The following ADAMTS19 variants were observed in gnomAD, a reference collection of about 807,000 sequenced individuals.
ADAMTS19 encodes the protein ADAM metallopeptidase with thrombospondin type 1 motif 19, also known as A disintegrin and metalloproteinase with thrombospondin motifs 19.
In ADAMTS19, 93 loss-of-function variants were observed where a neutral mutation model predicts 153.3. That is an observed-to-expected ratio of 0.61 (90% CI 0.51 to 0.72). ADAMTS19 has a LOEUF of 0.72. ADAMTS19 is among the 30% of genes least tolerant of loss of function. The pLI is 0.00. For synonymous variants in ADAMTS19, 600 were observed against 556.6 expected (o/e 1.08, Z -1.10); for missense variants, 1,482 against 1,552.1 (o/e 0.95, Z 0.76).
At chr5:129,510,800 A>T (rs1751414903) in intron 3 of ADAMTS19, among the ~76,000 whole-genome samples, 1 of 151,250 alleles carries the variant, frequency 6.6e-6, no homozygotes, top group Admixed American at 6.6e-5. Flanking sequence ...TATATAGGTT[A>T]ATAAAGGATA....
At chr5:129,666,784 T>C (rs1458849581) in intron 16 of ADAMTS19, among the ~76,000 whole-genome samples, 2 of 152,184 alleles carry the variant, frequency 1.3e-5, no homozygotes, top group African/African-American at 4.8e-5. Context: ...TTAGAGACAC[T>C]GGCCATAATC....
At chr5:129,466,864 A>G (rs1322475548) in intron 2 of ADAMTS19, among the ~76,000 whole-genome samples, 1 of 152,214 alleles carries the variant, frequency 6.6e-6, no homozygotes, top group African/African-American at 2.4e-5. Context: ...ATACACCAAA[A>G]GCAATTTTCA....
chr5:129,646,079 G>A (rs1352233027), intron 11 of ADAMTS19, among the ~76,000 whole-genome samples: 1 of 149,182 alleles, frequency 6.7e-6, no homozygotes, highest in Admixed American at 6.7e-5. Context: ...TAGTAGAGAC[G>A]GGGTTTCACT....
At chr5:129,608,303 CAT>C (rs1751027141) in intron 8 of ADAMTS19, among the ~76,000 whole-genome samples, 1 of 151,450 alleles carries the variant, frequency 6.6e-6, no homozygotes, top group African/African-American at 2.4e-5. Flanking sequence ...AAGTCAAACT[CAT>C]AGTAACAGAA....
chr5:129,709,373 A>G (rs763342119), intron 21 of ADAMTS19, among the ~76,000 whole-genome samples: 4 of 152,144 alleles, frequency 2.6e-5, no homozygotes, highest in Non-Finnish European at 4.4e-5. Context: ...TTTTATAATT[A>G]AAGACCTGTA....
chr5:129,697,358 G>A (rs56093445), intron 19 of ADAMTS19, among the ~76,000 whole-genome samples: 12,239 of 152,050 alleles, frequency 0.08, 596 homozygotes, highest in Middle Eastern at 0.14. Flanking sequence ...ATCAGCTGGG[G>A]GGCTTAAAAT....
chr5:129,521,767 A>T (rs1275866245), intron 3 of ADAMTS19, among the ~76,000 whole-genome samples: 1 of 152,150 alleles, frequency 6.6e-6, no homozygotes, highest in Non-Finnish European at 1.5e-5. Flanking sequence ...TCAGTCACAT[A>T]ATTACACTCA....
intron 21 of ADAMTS19, among the ~76,000 whole-genome samples, chr5:129,730,149 G>T (rs934935569): frequency 2.0e-5 from 3 of 151,944 alleles, no homozygotes; most frequent in Non-Finnish European, 4.4e-5. Context: ...TATATCCATT[G>T]TATAGAGTGG....
At chr5:129,523,142 G>C (rs1442968623) in intron 3 of ADAMTS19, among the ~76,000 whole-genome samples, 1 of 151,928 alleles carries the variant, frequency 6.6e-6, no homozygotes, top group African/African-American at 2.4e-5. Context: ...TAGGATATGT[G>C]GTTAGTAGAA....
At chr5:129,630,046 A>T (rs1162597506) in intron 10 of ADAMTS19, among the ~76,000 whole-genome samples, 3 of 152,150 alleles carry the variant, frequency 2.0e-5, no homozygotes, top group Non-Finnish European at 4.4e-5. Context: ...AAAAGTTTAT[A>T]GTATAACTGA....
intron 21 of ADAMTS19, among the ~76,000 whole-genome samples, chr5:129,729,919 ACCTT>A (rs1344207617): frequency 1.3e-5 from 2 of 152,026 alleles, no homozygotes; most frequent in East Asian, 3.9e-4. Flanking sequence ...AATATCGAGA[ACCTT>A]CTTTATCACA....
At chr5:129,640,378 A>G (rs966047812) in intron 10 of ADAMTS19, among the ~76,000 whole-genome samples, 100 of 152,306 alleles carry the variant, frequency 6.6e-4, no homozygotes, top group Middle Eastern at 3.4e-3. Context: ...AAATATTAAT[A>G]TATTGAAAGA....
intron 7 of ADAMTS19, among the ~76,000 whole-genome samples, chr5:129,585,911 C>T (rs1289268761): frequency 6.6e-6 from 1 of 152,062 alleles, no homozygotes; most frequent in African/African-American, 2.4e-5. Context: ...TTTTAAGATT[C>T]TCTTTTTTTC....
intron 2 of ADAMTS19, among the ~76,000 whole-genome samples, chr5:129,499,423 C>T (rs981913359): frequency 1.3e-5 from 2 of 152,032 alleles, no homozygotes; most frequent in Admixed American, 1.3e-4. Context: ...CCACAGAGGC[C>T]AAAGAGTAGC....
chr5:129,507,656 G>A (rs1162592004), intron 2 of ADAMTS19, among the ~76,000 whole-genome samples: 1 of 149,534 alleles, frequency 6.7e-6, no homozygotes, highest in Non-Finnish European at 1.5e-5. Context: ...TTGTGTGCCT[G>A]TGTACGTGTG....
intron 7 of ADAMTS19, among the ~76,000 whole-genome samples, chr5:129,557,322 G>A (rs1753348661): frequency 6.6e-6 from 1 of 152,174 alleles, no homozygotes; most frequent in African/African-American, 2.4e-5. Flanking sequence ...CCATGGCCAA[G>A]CACAGTGGCT....
intron 8 of ADAMTS19, among the ~76,000 whole-genome samples, chr5:129,598,795 C>T (rs1383755045): frequency 1.3e-5 from 2 of 152,082 alleles, no homozygotes; most frequent in African/African-American, 4.8e-5. Context: ...CGGTATTTGC[C>T]AGGGGATTGG....
intron 8 of ADAMTS19, among the ~76,000 whole-genome samples, chr5:129,613,503 A>T (rs531098597): frequency 6.6e-6 from 1 of 152,188 alleles, no homozygotes; most frequent in East Asian, 1.9e-4. Flanking sequence ...CAAAGACACA[A>T]CATACCAGAA....
At chr5:129,706,909 G>A (rs1264458089) in intron 21 of ADAMTS19, among the ~76,000 whole-genome samples, 1 of 152,078 alleles carries the variant, frequency 6.6e-6, no homozygotes, top group African/African-American at 2.4e-5. Flanking sequence ...ATGAATATAT[G>A]TATGTAATTC....
Sources: gnomAD v4.1 joint callset for allele counts (sites outside exome capture counted in the v4.1 genomes callset) on GRCh38, gnomAD v4.1.1 for gene constraint, MANE v1.5 for transcripts, NCBI Gene and HGNC (gene_info 2026-07-23, HGNC 2026-07-21) for gene names.